Variants in PCM1 observed in about 807,000 individuals in gnomAD.
The protein encoded by PCM1 is pericentriolar material 1.
PCM1 carries 157 observed loss-of-function variants against 241.9 expected under a neutral mutation model. The ratio of observed to expected loss-of-function variants is 0.65; its 90% confidence interval spans 0.57 to 0.74. PCM1 has a LOEUF of 0.74. Ranked by LOEUF, PCM1 falls within the 30% of genes least tolerant of loss-of-function variation. PCM1 has a pLI of 0.00. For missense variants in PCM1, 3,478 were observed against 2,360.1 expected, an observed-to-expected ratio of 1.47 and a Z score of -9.81; for synonymous variants, 1,085 against 784.9, an observed-to-expected ratio of 1.38 and a Z score of -6.39.
At position 18,013,744 on chromosome 8, in the gene PCM1, T is replaced by G; in HGVS notation, c.5512-220T>G. ...TGCAGTCTGTTCGTTCCAGTTGTAT[T>G]ATACTGTGTGTGTGTGTTTTTAAGG... On this transcript the variant is annotated intron_variant, in intron 34 of 38. Coordinates refer to ENST00000325083, the MANE Select transcript of PCM1 (RefSeq NM_006197.4). The G allele has an allele frequency of 6.2e-6, 3 of 480,826 alleles. No homozygotes were observed. In the South Asian group the frequency reaches 1.1e-4, roughly 18 times the overall value. The allele number at this position is 480,826 out of a possible 1,614,324, so 29.8% of individuals were successfully genotyped here.
At chr8:17,965,074 G>A (rs537273033) in intron 18 of PCM1, among the ~76,000 whole-genome samples, 2 of 152,012 alleles carry the variant, frequency 1.3e-5, no homozygotes, top group South Asian at 2.1e-4. Context: ...AACAACTCAC[G>A]AAATACAGGA....
chr8:18,025,128 C>T (rs2094090987), intron 36 of PCM1: 2 of 336,242 alleles, frequency 5.9e-6, no homozygotes, highest in Admixed American at 5.1e-5. Context: ...GAACTGCCCC[C>T]CTGCCTTTTT....
rs78083654 is a variant in PCM1 at position 17,980,467 on chromosome 8, A to T, written c.3944-124A>T. 262 of 682,946 alleles carry T rather than the reference A, an allele frequency of 3.8e-4. No individual in the cohort carries two copies. In the African/African-American group the frequency reaches 4.0e-3, roughly 11 times the overall value. The allele number at this position is 682,946 out of a possible 1,614,324, so 42.3% of individuals were successfully genotyped here. On this transcript the variant is annotated intron_variant, in intron 23 of 38. Coordinates refer to ENST00000325083, the MANE Select transcript of PCM1 (RefSeq NM_006197.4). The stretch of plus-strand genomic sequence containing the variant: ...AGACATATTTACTGTTTTGTATTCT[A>T]TTTATACCAGGCCTTCCTAGCATTG...
rs189506839 is a variant in PCM1 at position 17,940,994 on chromosome 8, A to G, written c.783+1133A>G. 2.6e-5 allele frequency among the ~76,000 whole-genome samples: 4 copies of G among 152,230 alleles called. No homozygotes were observed. The East Asian group carries it at 7.7e-4, about 29-fold the overall frequency. On this transcript the variant is annotated intron_variant, in intron 6 of 38. Transcript: ENST00000325083. ...TTAGGAATTTGAAGGTTTGTTTCCTATTAGTATTGACCTGCATAATTCTTA... is the reference window on the plus strand; with the variant it reads ...TTAGGAATTTGAAGGTTTGTTTCCTGTTAGTATTGACCTGCATAATTCTTA...
intron 22 of PCM1, among the ~76,000 whole-genome samples, chr8:17,971,761 A>G (rs146892087): frequency 6.6e-6 from 1 of 152,194 alleles, no homozygotes; most frequent in Non-Finnish European, 1.5e-5. Flanking sequence ...TTTTTTCTAG[A>G]GGCAGGGTCT....
At position 17,938,865 on chromosome 8, in the gene PCM1, A is replaced by C. The variant is rs977442849; in HGVS notation, c.468A>C (p.Ala156=). Residue 156 remains alanine (A), a synonymous_variant, in exon 5 of 39, where the codon GCA becomes GCC. Coordinates refer to ENST00000325083, the MANE Select transcript of PCM1 (RefSeq NM_006197.4). ...MQINTNKSKD[A]STNPPNRETI... Reference sequence around the variant, plus strand: ...TTAATACTAACAAGAGCAAAGATGCATCTACAAACCCCCCAAACAGAGAAA... The same window carrying C: ...TTAATACTAACAAGAGCAAAGATGCCTCTACAAACCCCCCAAACAGAGAAA... 7 of 1,613,700 alleles carry C rather than the reference A, an allele frequency of 4.3e-6. No homozygotes were observed. The African/African-American group carries it at 5.3e-5, about 12-fold the overall frequency.
At chr8:17,950,540 T>C (rs2065646140) in intron 7 of PCM1, 75 bp from the exon 8 acceptor site, 1 of 760,132 alleles carries the variant, frequency 1.3e-6, no homozygotes, top group Admixed American at 2.9e-5. Context: ...TTTTTAAATT[T>C]ATTTTTAGCT....
rs143081192 is a variant in PCM1 at position 17,987,221 on chromosome 8, G to A, written c.4410+1134G>A. Among the ~76,000 whole-genome samples, 684 of 151,940 alleles carry A rather than the reference G, an allele frequency of 4.5e-3. 4 individuals are homozygous for A. Among genetic ancestry groups the A allele is most frequent in the Middle Eastern group, 0.031 (9 of 294 alleles). Reference sequence around the variant, plus strand: ...ATTGTTATAACTAATTGAAAATTGTGTATTCCTTTTTGTGGGAAATGAAAT... The same window carrying A: ...ATTGTTATAACTAATTGAAAATTGTATATTCCTTTTTGTGGGAAATGAAAT... On this transcript the variant is annotated intron_variant, in intron 26 of 38. Coordinates refer to ENST00000325083, the MANE Select transcript of PCM1 (RefSeq NM_006197.4).
At chr8:18,018,907 TATATAA>T (rs1445927790) in intron 36 of PCM1, among the ~76,000 whole-genome samples, 4 of 124,182 alleles carry the variant, frequency 3.2e-5, no homozygotes, top group South Asian at 2.5e-4. Flanking sequence ...CACATATATA[TATATAA>T]ATATATAACA....
chr8:17,987,088 T>C (rs542364845), intron 26 of PCM1, among the ~76,000 whole-genome samples: 59 of 152,016 alleles, frequency 3.9e-4, no homozygotes, highest in African/African-American at 1.3e-3. Context: ...CACTGGACTC[T>C]GACTCCTTTA....
chr8:17,999,876 A>G (rs956088904), intron 29 of PCM1, among the ~76,000 whole-genome samples: 1 of 151,970 alleles, frequency 6.6e-6, no homozygotes, highest in Non-Finnish European at 1.5e-5. Flanking sequence ...ATTCCAAAAT[A>G]TTTATAAAAT....
intron 30 of PCM1, among the ~76,000 whole-genome samples, chr8:18,007,603 G>A (rs1013367792): frequency 2.0e-5 from 3 of 152,150 alleles, no homozygotes; most frequent in African/African-American, 7.2e-5. Context: ...CTCAGTCTAA[G>A]GTTTGACTGC....
At chr8:17,990,294 A>G (rs2084098828) in intron 27 of PCM1, among the ~76,000 whole-genome samples, 1 of 152,048 alleles carries the variant, frequency 6.6e-6, no homozygotes, top group South Asian at 2.1e-4. Flanking sequence ...CTTAAAGGAA[A>G]GGTCATCGTT....
chr8:18,024,556 G>A (rs553214456), intron 36 of PCM1, among the ~76,000 whole-genome samples: 1 of 152,174 alleles, frequency 6.6e-6, no homozygotes, highest in Non-Finnish European at 1.5e-5. Context: ...TCTGATCATT[G>A]TCTAGTTGCC....
rs2075215684 is a variant in PCM1 at position 17,967,252 on chromosome 8, A to C, written c.3412+82A>C. The C allele has an allele frequency of 1.0e-5, 10 of 975,398 alleles. No homozygotes were observed. In the South Asian group the frequency reaches 1.7e-4, roughly 17 times the overall value. 60.4% of individuals were successfully genotyped at this position (975,398 alleles called of 1,614,324 possible). On this transcript the variant is annotated intron_variant, in intron 21 of 38. Coordinates refer to ENST00000325083, the MANE Select transcript of PCM1 (RefSeq NM_006197.4). ...AATTTGTCTATTGCCTAGATGTTTT[A>C]ACATTTTCTTTTGGAGTGGGGTAGG...
Position 18,014,860 on chromosome 8 carries a change from C to T in PCM1, c.5841+20C>T, listed in dbSNP as rs770722518. The T allele has an allele frequency of 1.9e-6, 3 of 1,544,988 alleles. No individual in the cohort carries two copies. The highest frequency in any genetic ancestry group is 2.7e-5 in the African/African-American group (2 of 73,710). On this transcript the variant is annotated intron_variant, in intron 36 of 38. Coordinates refer to ENST00000325083, the MANE Select transcript of PCM1 (RefSeq NM_006197.4). ...GACTATGTATGTATCATTTACATTT[C>T]CAAATATTTTTACTTTTCATTTCTG...
intron 17 of PCM1, 92 bp from the exon 18 acceptor site, chr8:17,964,476 G>T: frequency 1.1e-6 from 1 of 887,692 alleles, no homozygotes; most frequent in South Asian, 1.8e-5. Context: ...ACATGTATAT[G>T]TATGTTTGAA....
intron 2 of PCM1, chr8:17,925,904 A>T (rs2056758077): frequency 6.6e-6 from 1 of 152,148 alleles, no homozygotes; most frequent in African/African-American, 2.4e-5. Flanking sequence ...ACAGATTTTT[A>T]TTTTATAGCT....
intron 36 of PCM1, among the ~76,000 whole-genome samples, chr8:18,020,952 T>C (rs532661949): frequency 6.6e-6 from 1 of 152,304 alleles, no homozygotes; most frequent in Non-Finnish European, 1.5e-5. Context: ...TTAATAAAAA[T>C]GATGCTCATG....
Sources: gnomAD v4.1 joint callset for allele counts (sites outside exome capture counted in the v4.1 genomes callset) on GRCh38, gnomAD v4.1.1 for gene constraint, MANE v1.5 for transcripts, NCBI Gene and HGNC (gene_info 2026-07-23, HGNC 2026-07-21) for gene names.